Variants in SLC14A2 observed in about 807,000 individuals in gnomAD.
SLC14A2 encodes the protein solute carrier family 14 member 2.
A neutral mutation model predicts 104.6 loss-of-function variants in SLC14A2; 91 were observed. The ratio of observed to expected loss-of-function variants is 0.87; its 90% CI spans 0.73 to 1.04. SLC14A2 has a LOEUF of 1.04. Ranked by LOEUF, SLC14A2 falls within the 50% of genes least tolerant of loss-of-function variation. SLC14A2 has a pLI of 0.00. For synonymous variants in SLC14A2, 476 were observed against 466.4 expected (o/e 1.02, Z -0.27); for missense variants, 1,189 against 1,156.0 (o/e 1.03, Z -0.41).
chr18:45,495,436 C>T (rs2043077701), intron 2 of SLC14A2, among the ~76,000 whole-genome samples: 1 of 152,110 alleles, frequency 6.6e-6, no homozygotes, highest in African/African-American at 2.4e-5. Context: ...TTGACTGGTC[C>T]CTAGTCAGCA....
rs764029185 is a variant in SLC14A2, at chr18:45,668,007, T to C, written c.1892T>C (p.Ile631Thr). 1 of 1,614,064 alleles carries C rather than the reference T, an allele frequency of 6.2e-7. No individual in the cohort carries two copies. ...GTIMSTLTAL[I>T]LSQDKSAIAA... ...ATCATGTCCACCTTGACAGCCCTCA[T>C]CCTGAGTCAGGACAAGTAAGTCCCA... The change falls in exon 14 of 20, where the codon ATC becomes ACC. Residue 631 changes from isoleucine (I) to threonine (T), a missense_variant. Physicochemically the swap from Ile to Thr is moderately conservative, Grantham distance 89 (BLOSUM62 -1). Transcript: ENST00000255226.
intron 2 of SLC14A2, among the ~76,000 whole-genome samples, chr18:45,563,521 C>G (rs2044230700): frequency 6.6e-6 from 1 of 152,210 alleles, no homozygotes; most frequent in South Asian, 2.1e-4. Flanking sequence ...ATTCTACAGG[C>G]ACCACAAAAT....
chr18:45,204,024 G>C, the SLC14A2 span, among the ~76,000 whole-genome samples: 3 of 152,152 alleles, frequency 2.0e-5, no homozygotes, highest in East Asian at 5.8e-4. Flanking sequence ...TAGGGGTTGG[G>C]AATATGCATT....
At chr18:45,341,174 C>T (rs537471966) in intron 1 of SLC14A2, among the ~76,000 whole-genome samples, 6 of 151,192 alleles carry the variant, frequency 4.0e-5, no homozygotes, top group African/African-American at 7.4e-5. Context: ...TTTCTGAACA[C>T]GTATTTATTA....
intron 1 of SLC14A2, among the ~76,000 whole-genome samples, chr18:45,361,420 C>T (rs959516572): frequency 2.0e-5 from 3 of 152,150 alleles, no homozygotes; most frequent in African/African-American, 7.2e-5. Context: ...TGGTCCTACC[C>T]AGCTCCCACC....
At chr18:45,537,928 T>C (rs2043820723) in intron 2 of SLC14A2, among the ~76,000 whole-genome samples, 1 of 152,164 alleles carries the variant, frequency 6.6e-6, no homozygotes, top group Non-Finnish European at 1.5e-5. Context: ...GAAATAAAAA[T>C]GTGGTGCCAT....
intron 2 of SLC14A2, among the ~76,000 whole-genome samples, chr18:45,490,169 A>T (rs1598905269): frequency 6.6e-6 from 1 of 152,220 alleles, no homozygotes; most frequent in African/African-American, 2.4e-5. Flanking sequence ...AGTCCAAAGA[A>T]ATTTGAAAAA....
At chr18:45,669,540 G>A in intron 16 of SLC14A2, 42 bp downstream of exon 16, 2 of 1,494,384 alleles carry the variant, frequency 1.3e-6, no homozygotes, top group South Asian at 1.2e-5. Flanking sequence ...TGTCCACACT[G>A]GATGTTACTG....
At chr18:45,601,590 T>C (rs2044792169) in intron 2 of SLC14A2, among the ~76,000 whole-genome samples, 2 of 152,226 alleles carry the variant, frequency 1.3e-5, no homozygotes. Flanking sequence ...GGGTTTTTCT[T>C]TCCCCTCTAT....
At chr18:45,675,709 A>ATTTTTT (rs71177687) in intron 18 of SLC14A2, among the ~76,000 whole-genome samples, 1 of 78,396 alleles carries the variant, frequency 1.3e-5, no homozygotes, top group African/African-American at 4.9e-5. Context: ...ATATATATAT[A>ATTTTTT]TTTTTTTTTT....
intron 1 of SLC14A2, among the ~76,000 whole-genome samples, chr18:45,419,287 A>T (rs1305237330): frequency 6.6e-6 from 1 of 152,190 alleles, no homozygotes; most frequent in African/African-American, 2.4e-5. Context: ...TGATCCCCAA[A>T]GTTTCTCACA....
intron 2 of SLC14A2, among the ~76,000 whole-genome samples, chr18:45,539,773 G>T (rs1030464399): frequency 3.3e-5 from 5 of 151,838 alleles, no homozygotes. Flanking sequence ...CTGTGTTGAC[G>T]ATTTATAGTC....
chr18:45,682,173 A>G, intron 19 of SLC14A2, 146 bp from the exon 20 acceptor site: 1 of 739,530 alleles, frequency 1.4e-6, no homozygotes, highest in South Asian at 1.6e-5. Context: ...CACTGGCATG[A>G]TTTTATTTAT....
At chr18:45,671,748 G>A (rs886346199) in intron 16 of SLC14A2, among the ~76,000 whole-genome samples, 5 of 152,100 alleles carry the variant, frequency 3.3e-5, no homozygotes, top group African/African-American at 4.8e-5. Context: ...CTCCCTCCCC[G>A]GCCACGCGCA....
At chr18:45,362,679 A>G (rs935025917) in intron 1 of SLC14A2, among the ~76,000 whole-genome samples, 3 of 152,224 alleles carry the variant, frequency 2.0e-5, no homozygotes, top group African/African-American at 7.2e-5. Context: ...GCTACCAGGT[A>G]GGGCCACCCA....
chr18:45,652,135 G>A (rs566769327), intron 10 of SLC14A2, among the ~76,000 whole-genome samples: 83 of 152,336 alleles, frequency 5.4e-4, no homozygotes, highest in African/African-American at 2.0e-3. Flanking sequence ...GATGGCCTGA[G>A]GACAGCTCTA....
At chr18:45,542,049 T>TG (rs2043895109) in intron 2 of SLC14A2, among the ~76,000 whole-genome samples, 2 of 134,180 alleles carry the variant, frequency 1.5e-5, no homozygotes, top group Non-Finnish European at 3.2e-5. Context: ...TTTTTTTTTT[T>TG]TTTTTTTTTT....
intron 1 of SLC14A2, among the ~76,000 whole-genome samples, chr18:45,278,886 G>T (rs945754638): frequency 6.6e-6 from 1 of 152,186 alleles, no homozygotes; most frequent in Non-Finnish European, 1.5e-5. Flanking sequence ...GCTAACTGGT[G>T]CTTACCACTG....
At chr18:45,607,015 T>C (rs577900890) in intron 2 of SLC14A2, among the ~76,000 whole-genome samples, 18 of 152,332 alleles carry the variant, frequency 1.2e-4, no homozygotes, top group Middle Eastern at 3.4e-3. Flanking sequence ...TTGCTAAGGA[T>C]AGACAAATAA....
Sources: gnomAD v4.1 joint callset for allele counts (sites outside exome capture counted in the v4.1 genomes callset) on GRCh38, gnomAD v4.1.1 for gene constraint, MANE v1.5 for transcripts, NCBI Gene and HGNC (gene_info 2026-07-23, HGNC 2026-07-21) for gene names.